The following MARCHF1 variants were observed in gnomAD, a reference collection of about 807,000 sequenced individuals.
MARCHF1 encodes membrane associated ring-CH-type finger 1, also known as E3 ubiquitin-protein ligase MARCHF1.
MARCHF1 carries 40 observed loss-of-function variants against 54.2 expected under a neutral mutation model. That is an observed-to-expected ratio of 0.74 (90% confidence interval 0.57 to 0.96). The LOEUF is 0.96. Among genes scored for constraint, MARCHF1 ranks in the 40% least tolerant of loss-of-function variants. The probability of loss-of-function intolerance (pLI) is 0.00; values close to 1 mark genes in which losing one functional copy is unlikely to be tolerated. For missense variants in MARCHF1, 586 were observed against 656.5 expected (o/e 0.89, Z 1.17); for synonymous variants, 236 against 236.3 (o/e 1.00, Z 0.01).
At chr4:164,260,838 A>G (rs1280169726) in intron 1 of MARCHF1, among the ~76,000 whole-genome samples, 3 of 152,248 alleles carry the variant, frequency 2.0e-5, no homozygotes, top group Non-Finnish European at 2.9e-5. Context: ...AAACACAAAG[A>G]TGAGTAACTG....
chr4:164,101,068 T>A (rs1053284947), intron 2 of MARCHF1, among the ~76,000 whole-genome samples: 2 of 152,326 alleles, frequency 1.3e-5, no homozygotes, highest in East Asian at 3.9e-4. Context: ...CTTAAAAAAC[T>A]GTGCACCACA....
At chr4:164,335,766 T>C (rs1386352613) in intron 1 of MARCHF1, among the ~76,000 whole-genome samples, 1 of 152,152 alleles carries the variant, frequency 6.6e-6, no homozygotes, top group Non-Finnish European at 1.5e-5. Flanking sequence ...TAAATTAAAA[T>C]AGGTACATTT....
intron 1 of MARCHF1, among the ~76,000 whole-genome samples, chr4:164,185,028 A>G (rs543942187): frequency 3.3e-5 from 5 of 152,354 alleles, no homozygotes; most frequent in African/African-American, 9.6e-5. Flanking sequence ...ATGAGACATA[A>G]GGATTTAAAA....
chr4:164,065,802 CA>C (rs1044079941), intron 2 of MARCHF1, among the ~76,000 whole-genome samples: 53 of 152,240 alleles, frequency 3.5e-4, no homozygotes, highest in African/African-American at 1.3e-3. Flanking sequence ...TCCAAGAGTT[CA>C]AAGGCCAAAG....
At chr4:164,031,231 T>G (rs1753870233) in intron 2 of MARCHF1, among the ~76,000 whole-genome samples, 1 of 152,152 alleles carries the variant, frequency 6.6e-6, no homozygotes, top group African/African-American at 2.4e-5. Context: ...GGATGGTATA[T>G]GTGTCCAGAA....
chr4:163,550,568 G>A (rs551105103), intron 8 of MARCHF1, among the ~76,000 whole-genome samples: 52 of 150,876 alleles, frequency 3.4e-4, no homozygotes, highest in East Asian at 3.3e-3. Context: ...AGGTGTGCAG[G>A]TTCTTCCTGT....
chr4:163,823,961 A>T (rs1356837662), intron 4 of MARCHF1, among the ~76,000 whole-genome samples: 2 of 151,938 alleles, frequency 1.3e-5, no homozygotes, highest in African/African-American at 2.4e-5. Context: ...ATAAAAATTT[A>T]GAAAGTACAA....
chr4:164,339,576 T>C lies in MARCHF1; in HGVS notation c.-323+44294A>G, dbSNP rs571094456. Among the ~76,000 whole-genome samples, 83 of 152,190 alleles carry C rather than the reference T, an allele frequency of 5.5e-4. 2 individuals are homozygous for C. The South Asian group carries it at 0.017, about 31-fold the overall frequency. ...TTATGAGATACAGCAAAAGCAGTTATAAGAGGGAAGTTTACAGGGATAAAT... is the reference window on the plus strand; with the variant it reads ...TTATGAGATACAGCAAAAGCAGTTACAAGAGGGAAGTTTACAGGGATAAAT... On this transcript the variant is annotated intron_variant, in intron 1 of 9. Transcript: ENST00000514618.
intron 7 of MARCHF1, among the ~76,000 whole-genome samples, chr4:163,590,081 T>TGTGTGTGTGTGTGTGTGTGTGTGC (rs1418994546): frequency 6.6e-6 from 1 of 151,914 alleles, no homozygotes; most frequent in South Asian, 2.1e-4. Context: ...TGTGTGTGTG[T>TGTGTGTGTGTGTGTGTGTGTGTGC]GCTTCACATC....
At chr4:164,312,319 CTTTTT>C (rs34613860) in intron 1 of MARCHF1, among the ~76,000 whole-genome samples, 4 of 103,428 alleles carry the variant, frequency 3.9e-5, no homozygotes, top group South Asian at 3.4e-4. Flanking sequence ...TTTTCTTTTT[CTTTTT>C]TTTTTTTTTT....
chr4:163,632,807 CAA>C (rs917057799), intron 5 of MARCHF1, among the ~76,000 whole-genome samples: 1 of 152,210 alleles, frequency 6.6e-6, no homozygotes, highest in Non-Finnish European at 1.5e-5. Context: ...CACAGACAAA[CAA>C]AAAGACAGCA....
At chr4:163,890,626 T>C (rs1468630525) in intron 3 of MARCHF1, among the ~76,000 whole-genome samples, 4 of 152,210 alleles carry the variant, frequency 2.6e-5, no homozygotes, top group African/African-American at 9.7e-5. Flanking sequence ...GACAATCCCT[T>C]ATCCAAAATG....
chr4:164,303,476 G>A (rs1734617429), intron 1 of MARCHF1, among the ~76,000 whole-genome samples: 1 of 152,112 alleles, frequency 6.6e-6, no homozygotes, highest in Non-Finnish European at 1.5e-5. Context: ...CCTATCCCTA[G>A]CCTTTGATAG....
At chr4:163,651,525 C>CTTTTT (rs66848288) in intron 5 of MARCHF1, among the ~76,000 whole-genome samples, 8 of 131,038 alleles carry the variant, frequency 6.1e-5, no homozygotes, top group African/African-American at 1.7e-4. Context: ...AAGTACCATA[C>CTTTTT]TTTTTTTTTT....
intron 2 of MARCHF1, among the ~76,000 whole-genome samples, chr4:164,019,766 G>T (rs1411344301): frequency 2.0e-5 from 3 of 152,174 alleles, no homozygotes; most frequent in African/African-American, 7.2e-5. Context: ...TGGAGATCCA[G>T]AATATCTTAA....
chr4:164,250,384 C>G (rs1018403309), intron 1 of MARCHF1, among the ~76,000 whole-genome samples: 7 of 151,928 alleles, frequency 4.6e-5, no homozygotes, highest in African/African-American at 1.7e-4. Context: ...CCCAGAAAGC[C>G]AATATAGAAG....
intron 4 of MARCHF1, among the ~76,000 whole-genome samples, chr4:163,830,602 A>C (rs1400125670): frequency 6.6e-6 from 1 of 152,060 alleles, no homozygotes; most frequent in African/African-American, 2.4e-5. Context: ...TTCTAGGTGC[A>C]AATTAAGTCC....
chr4:163,817,019 C>T (rs1748551745), intron 4 of MARCHF1, among the ~76,000 whole-genome samples: 1 of 152,024 alleles, frequency 6.6e-6, no homozygotes, highest in Non-Finnish European at 1.5e-5. Context: ...TGTCTCTGCT[C>T]TTTCAGATCC....
In MARCHF1 at chr4:164,296,431, G is replaced by A. The variant is rs139765430; in HGVS notation, c.-323+87439C>T. Among the ~76,000 whole-genome samples the A allele has an allele frequency of 6.5e-3, 996 of 152,284 alleles. 7 individuals carry two copies. The highest frequency in any genetic ancestry group is 0.022 in the African/African-American group (923 of 41,554). ...TCTGTCACCCAGGCTGGAGTGCAGT[G>A]GCATGATCTTGACTCACTGCAACCT... is the stretch of plus-strand genomic sequence containing the variant. On this transcript the variant is annotated intron_variant, in intron 1 of 9. Coordinates refer to ENST00000514618, the MANE Select transcript of MARCHF1 (RefSeq NM_001394959.1).
Sources: gnomAD v4.1 joint callset for allele counts (sites outside exome capture counted in the v4.1 genomes callset) on GRCh38, gnomAD v4.1.1 for gene constraint, MANE v1.5 for transcripts, NCBI Gene and HGNC (gene_info 2026-07-23, HGNC 2026-07-21) for gene names.